RTKN: variants seen among roughly 807,000 people sequenced by gnomAD.
RTKN encodes rhotekin.
A neutral mutation model predicts 63.5 loss-of-function variants in RTKN; 49 were observed. That is an observed-to-expected ratio of 0.77 (90% CI 0.61 to 0.98). RTKN has a LOEUF of 0.98. Ranked by LOEUF, RTKN falls within the 50% of genes least tolerant of loss-of-function variation. The pLI, the probability that RTKN is intolerant of heterozygous loss-of-function variation, is 0.00. For synonymous variants in RTKN, 295 were observed against 290.4 expected, an observed-to-expected ratio of 1.02 and a Z score of -0.16; for missense variants, 685 against 740.8, an observed-to-expected ratio of 0.92 and a Z score of 0.87.
chr2:74,431,621 TCCTC>T (rs1391123534), intron 2 of RTKN: 5 of 152,362 alleles, frequency 3.3e-5, no homozygotes, highest in Non-Finnish European at 7.3e-5. Flanking sequence ...AGCTTGCCCT[TCCTC>T]TAGCTTCATG....
intron 11 of RTKN, chr2:74,426,856 G>T (rs1220026811): frequency 6.0e-6 from 8 of 1,342,696 alleles, no homozygotes; most frequent in East Asian, 2.9e-5. Flanking sequence ...TGAAAGCGGT[G>T]CCAGGCAAGT....
rs200885225 is a variant in RTKN at position 74,432,506 on chromosome 2, C to A, written c.272G>T (p.Arg91Leu). Reference protein sequence around the residue: ...RILSYMGELQRRKEAQVLGKT... With the variant: ...RILSYMGELQLRKEAQVLGKT... ...CCCCAGCACCTGCGCCTCCTTGCGC[C>A]GCTGCAGCTCGCCCATGTAGCTGAG... The change falls in exon 2 of 12, where the codon CGG becomes CTG. Residue 91 changes from arginine (R) to leucine (L), a missense_variant. Coordinates refer to ENST00000272430, the MANE Select transcript of RTKN (RefSeq NM_001015055.2). The A allele has an allele frequency of 6.2e-7, 1 of 1,612,990 alleles. No homozygotes were observed. Among genetic ancestry groups the A allele is most frequent in the Non-Finnish European group, 8.5e-7 (1 of 1,180,032 alleles).
chr2:74,439,683 C>G, intron 1 of RTKN: 1 of 1,602,904 alleles, frequency 6.2e-7, no homozygotes, highest in Non-Finnish European at 8.5e-7. Flanking sequence ...CAGATAGGTA[C>G]CACACTGTCC....
intron 1 of RTKN, chr2:74,439,888 T>G: frequency 7.7e-7 from 1 of 1,298,798 alleles, no homozygotes; most frequent in Non-Finnish European, 9.9e-7. Context: ...GAAGTGAGGA[T>G]AAGTGGGGTC....
chr2:74,437,244 T>A (rs1043974487), intron 1 of RTKN, among the ~76,000 whole-genome samples: 4 of 152,190 alleles, frequency 2.6e-5, no homozygotes, highest in Non-Finnish European at 4.4e-5. Flanking sequence ...GAAAGTCTCA[T>A]CTCTACCTGG....
chr2:74,440,039 C>T, intron 1 of RTKN: 1 of 1,019,112 alleles, frequency 9.8e-7, no homozygotes, highest in South Asian at 3.6e-5. Flanking sequence ...CGCCCACATC[C>T]CTGGCCTGGT....
At chr2:74,430,405 C>G in intron 4 of RTKN, 36 bp from the exon 5 acceptor site, 1 of 1,613,218 alleles carries the variant, frequency 6.2e-7, no homozygotes, top group Non-Finnish European at 8.5e-7. Context: ...ACACGTCCCA[C>G]GAGAGCCTCC....
chr2:74,427,480 CT>C lies in RTKN; in HGVS notation c.1198del (p.Ser400ValfsTer19). On this transcript the variant is annotated frameshift_variant, in exon 10 of 12. Transcript: ENST00000272430. LOFTEE classifies it high-confidence loss of function. ...CATCCAGCTCTGCAGTGCTTCCCGA[CT>C]TTCTGTCTGAAGGGTGTGTGTCACC... ...DEVTHTLQTE[S>X]REALQSWMEA... is the part of the protein sequence containing the mutation. 1 of 1,614,210 alleles carries C rather than the reference CT, an allele frequency of 6.2e-7. No homozygotes were observed. The highest frequency in any genetic ancestry group is 8.5e-7 in the Non-Finnish European group (1 of 1,180,044).
At chr2:74,439,415 A>T (rs1389740197) in intron 1 of RTKN, 1 of 914,038 alleles carries the variant, frequency 1.1e-6, no homozygotes, top group Non-Finnish European at 1.7e-6. Flanking sequence ...CACAAGGCAT[A>T]GGGAACCACC....
intron 1 of RTKN, among the ~76,000 whole-genome samples, chr2:74,438,471 C>A (rs1007878487): frequency 1.2e-4 from 19 of 152,220 alleles, no homozygotes; most frequent in African/African-American, 4.3e-4. Context: ...CAACTTCCCA[C>A]CAGCCTATTC....
rs191801087 is a variant in RTKN at position 74,439,574 on chromosome 2, G to C, written c.111+2132C>G. The C allele has an allele frequency of 7.4e-6, 12 of 1,614,136 alleles. 1 individual carries two copies. The South Asian group carries it at 1.1e-4, about 15-fold the overall frequency. On this transcript the variant is annotated intron_variant, in intron 1 of 11. Coordinates refer to ENST00000272430, the MANE Select transcript of RTKN (RefSeq NM_001015055.2). The stretch of plus-strand genomic sequence containing the variant: ...ACCTCCAGGCTGAGTGCCATCTGCC[G>C]AATGTAGAGCATATTCAGGTCCTCC...
In RTKN at chr2:74,441,914, G is replaced by C; in HGVS notation, c.-98C>G. 1.4e-6 allele frequency: 1 copy of C among 730,664 alleles called. No individual in the cohort carries two copies. Among genetic ancestry groups the C allele is most frequent in the Non-Finnish European group, 2.3e-6 (1 of 436,814 alleles). 45.3% of individuals were successfully genotyped at this position (730,664 alleles called of 1,614,324 possible). ...TCTGTCTCTCGACGCTCGTCCGCCA[G>C]TCCGGCCGGGAATCTCCCGCTGCGG... On this transcript the variant is annotated 5_prime_UTR_variant, in exon 1 of 12. Coordinates refer to ENST00000272430, the MANE Select transcript of RTKN (RefSeq NM_001015055.2).
At position 74,428,631 on chromosome 2, in the gene RTKN, C is replaced by G. The variant is rs1573238960; in HGVS notation, c.957G>C (p.Gln319His). The change falls in exon 8 of 12, where the codon CAG (glutamine) becomes CAC (histidine). Residue 319 changes from glutamine (Q) to histidine (H), a missense_variant and splice_region_variant. Physicochemically the swap from Gln to His is conservative, Grantham distance 24. Coordinates refer to ENST00000272430, the MANE Select transcript of RTKN (RefSeq NM_001015055.2). ...QPTASGTLRV[Q>H]QAGEMQNWAQ... is the part of the protein sequence containing the mutation. ...CTTCCACTCCTCAGGGCCCCCTCAC[C>G]TGCACCCTGAGGGTACCACTTGCAG... 6.2e-7 allele frequency: 1 copy of G among 1,612,072 alleles called. No homozygotes were observed. Among genetic ancestry groups the G allele is most frequent in the Non-Finnish European group, 8.5e-7 (1 of 1,178,582 alleles).
At position 74,426,429 on chromosome 2, in the gene RTKN, G is replaced by A. The variant is rs772689280; in HGVS notation, c.1506C>T (p.Ala502=). ...LPNPCSPASV[A]PAPDWTHPLP... ...GGGGGTGGGTCCAGTCTGGGGCTGGGGCCACTGAGGCAGGCGAGCAGGGGT... is the reference window on the plus strand; with the variant it reads ...GGGGGTGGGTCCAGTCTGGGGCTGGAGCCACTGAGGCAGGCGAGCAGGGGT... The change falls in exon 12 of 12, where the codon GCC becomes GCT. Residue 502 remains alanine (A), a synonymous_variant. Coordinates refer to ENST00000272430, the MANE Select transcript of RTKN (RefSeq NM_001015055.2). 6.2e-7 allele frequency: 1 copy of A among 1,612,386 alleles called. No homozygotes were observed.
intron 1 of RTKN, among the ~76,000 whole-genome samples, chr2:74,435,509 G>C (rs182087340): frequency 5.3e-5 from 8 of 152,302 alleles, no homozygotes; most frequent in Non-Finnish European, 1.0e-4. Flanking sequence ...TTAAAATCCA[G>C]CTGGGAGGTG....
Position 74,425,868 on chromosome 2 carries a change from G to A in RTKN, c.*375C>T. The A allele has an allele frequency of 1.7e-6, 2 of 1,144,210 alleles. No homozygotes were observed. Among genetic ancestry groups the A allele is most frequent in the Non-Finnish European group, 2.4e-6 (2 of 817,570 alleles). The allele number at this position is 1,144,210 out of a possible 1,614,324, so 70.9% of individuals were successfully genotyped here. On this transcript the variant is annotated 3_prime_UTR_variant, in exon 12 of 12. Transcript: ENST00000272430. Reference sequence around the variant, plus strand: ...GCAGAGAGAGGCACCCTGTCCTCAGGAGCCAGGTGAAGGCTGCTGTTAAAT... The same window carrying A: ...GCAGAGAGAGGCACCCTGTCCTCAGAAGCCAGGTGAAGGCTGCTGTTAAAT...
intron 7 of RTKN, 28 bp from the exon 8 acceptor site, chr2:74,428,765 G>T (rs967374628): frequency 1.9e-6 from 3 of 1,608,772 alleles, no homozygotes; most frequent in Non-Finnish European, 2.6e-6. Flanking sequence ...GCAGGGTGAG[G>T]TAGGGGAATG....
rs1276623253 is a variant in RTKN, at chr2:74,426,391, C to T, written c.1544G>A (p.Arg515Lys). Reference protein sequence around the residue: ...PDWTHPLPWGRPRTFSLDAVP... With the variant: ...PDWTHPLPWGKPRTFSLDAVP... Reference sequence around the variant, plus strand: ...AGCATCCAGGGAAAAGGTTCGGGGTCTCCCCCAGGGCAGGGGGTGGGTCCA... The same window carrying T: ...AGCATCCAGGGAAAAGGTTCGGGGTTTCCCCCAGGGCAGGGGGTGGGTCCA... The change falls in exon 12 of 12, where the codon AGA becomes AAA. Residue 515 changes from arginine (R) to lysine (K), a missense_variant. Transcript: ENST00000272430. 2 of 1,611,178 alleles carry T rather than the reference C, an allele frequency of 1.2e-6. No individual in the cohort carries two copies. Among genetic ancestry groups the T allele is most frequent in the African/African-American group, 2.7e-5 (2 of 74,876 alleles).
At chr2:74,441,532 T>A (rs1671365034) in intron 1 of RTKN, among the ~76,000 whole-genome samples, 174 bp downstream of exon 1, 1 of 152,186 alleles carries the variant, frequency 6.6e-6, no homozygotes. Flanking sequence ...ATGGATCCGA[T>A]GAAAATGCAG....
Sources: allele counts gnomAD v4.1 joint callset (sites outside exome capture counted in the v4.1 genomes callset), GRCh38; gene constraint gnomAD v4.1.1; transcripts MANE v1.5; gene names NCBI Gene and HGNC (gene_info 2026-07-23, HGNC 2026-07-21).